ZBBX: variants seen among roughly 807,000 people sequenced by gnomAD.
ZBBX encodes zinc finger B-box domain containing.
A neutral mutation model predicts 108.5 loss-of-function variants in ZBBX; 101 were observed. The observed-to-expected ratio is 0.93, with a 90% CI of 0.79 to 1.10. The LOEUF is 1.10. ZBBX is among the 50% of genes least tolerant of loss of function. The pLI, the probability that ZBBX is intolerant of heterozygous loss-of-function variation, is 0.00. For synonymous variants in ZBBX, 356 were observed against 323.4 expected (o/e 1.10, Z -1.08); for missense variants, 1,009 against 941.4 (o/e 1.07, Z -0.94).
In ZBBX at chr3:167,397,142, T is replaced by TAAAA. The variant is rs61671930; in HGVS notation, c.-446+10580_-446+10583dup. ...GTCGTGAAGAAGAGGTTCTTGGTGG[T>TAAAA]AAAAAAAAAAAAAAAAAAAAAAAAT... On this transcript the variant is annotated intron_variant, in intron 1 of 21. Transcript: ENST00000455345. Among the ~76,000 whole-genome samples the TAAAA allele has an allele frequency of 1.1e-3, 78 of 72,408 alleles. 2 individuals carry two copies. The highest frequency in any genetic ancestry group is 2.4e-3 in the African/African-American group (44 of 18,712). 47.5% of individuals were successfully genotyped at this position (72,408 alleles called of 152,430 possible).
the ZBBX span, among the ~76,000 whole-genome samples, chr3:167,210,680 G>C: frequency 2.0e-5 from 3 of 152,088 alleles, no homozygotes; most frequent in African/African-American, 7.2e-5. Context: ...AAAATACAAT[G>C]GAGCTCCAAT....
chr3:167,241,140 A>G (rs752228244), intron 21 of ZBBX, among the ~76,000 whole-genome samples: 2 of 152,178 alleles, frequency 1.3e-5, no homozygotes, highest in Non-Finnish European at 1.5e-5. Context: ...ATACAGCCAC[A>G]GTAGAATCAA....
chr3:167,399,809 AG>A (rs1414226132), intron 1 of ZBBX, among the ~76,000 whole-genome samples: 2 of 152,148 alleles, frequency 1.3e-5, no homozygotes, highest in African/African-American at 4.8e-5. Flanking sequence ...CCTATCACCC[AG>A]GTAGTGAACA....
At chr3:167,287,626 A>C (rs747800180) in intron 19 of ZBBX, among the ~76,000 whole-genome samples, 4 of 152,142 alleles carry the variant, frequency 2.6e-5, no homozygotes, top group Non-Finnish European at 4.4e-5. Context: ...AAAGCATTTG[A>C]CTATGGATTT....
At chr3:167,368,954 A>C (rs1310484877) in intron 4 of ZBBX, 3 of 172,726 alleles carry the variant, frequency 1.7e-5, no homozygotes, top group Non-Finnish European at 3.6e-5. Context: ...AGTTTGAAGC[A>C]CAGTATTTAA....
intron 8 of ZBBX, among the ~76,000 whole-genome samples, chr3:167,353,805 CAG>C (rs1357968866): frequency 6.6e-6 from 1 of 151,882 alleles, no homozygotes; most frequent in Admixed American, 6.6e-5. Flanking sequence ...AGAATTTGTC[CAG>C]AGTCATACAA....
At chr3:167,250,082 A>G in intron 20 of ZBBX, among the ~76,000 whole-genome samples, 1 of 152,214 alleles carries the variant, frequency 6.6e-6, no homozygotes, top group East Asian at 1.9e-4. Context: ...TCAGTCGAGA[A>G]CAGCTAATCC....
At chr3:167,373,068 T>C (rs1296034287) in intron 3 of ZBBX, 118 bp from the exon 4 acceptor site, 1 of 528,144 alleles carries the variant, frequency 1.9e-6, no homozygotes, top group Non-Finnish European at 3.3e-6. Context: ...AAAGGCTGAA[T>C]CAAAATTTAA....
chr3:167,256,916 C>G (rs1252478519), intron 20 of ZBBX, among the ~76,000 whole-genome samples: 2 of 152,086 alleles, frequency 1.3e-5, no homozygotes, highest in African/African-American at 4.8e-5. Flanking sequence ...CTATTGTAAA[C>G]AGTACTGCAA....
At chr3:167,235,988 G>A (rs1448687484), downstream of ZBBX, among the ~76,000 whole-genome samples, 1 of 151,600 alleles carries the variant, frequency 6.6e-6, no homozygotes, top group Non-Finnish European at 1.5e-5. Context: ...ATAACCGGGG[G>A]TGAAAATTAT....
the ZBBX span, among the ~76,000 whole-genome samples, chr3:167,183,420 C>T: frequency 3.9e-5 from 6 of 152,324 alleles, no homozygotes; most frequent in Non-Finnish European, 7.3e-5. Flanking sequence ...ATGGGCACCA[C>T]TTGCCAAGAC....
intron 6 of ZBBX, among the ~76,000 whole-genome samples, chr3:167,363,271 G>A (rs1211972073): frequency 6.6e-6 from 1 of 151,858 alleles, no homozygotes; most frequent in Non-Finnish European, 1.5e-5. Flanking sequence ...CTCATTTGCT[G>A]CTAATCCCCA....
At chr3:167,226,455 G>C in the ZBBX span, among the ~76,000 whole-genome samples, 1 of 151,712 alleles carries the variant, frequency 6.6e-6, no homozygotes, top group South Asian at 2.1e-4. Context: ...TTCTTCTCCA[G>C]AGACCCATAT....
chr3:167,259,108 C>CT (rs139993953), intron 20 of ZBBX, among the ~76,000 whole-genome samples: 2 of 151,708 alleles, frequency 1.3e-5, no homozygotes, highest in African/African-American at 4.8e-5. Flanking sequence ...GTCATGGACC[C>CT]TTTTTTTTGA....
chr3:167,241,419 AG>A (rs1453679180), intron 21 of ZBBX, among the ~76,000 whole-genome samples: 1 of 152,154 alleles, frequency 6.6e-6, no homozygotes, highest in African/African-American at 2.4e-5. Flanking sequence ...TGGTGGCAGC[AG>A]GGGGCACCTT....
chr3:167,319,549 T>C (rs750458963), intron 12 of ZBBX, among the ~76,000 whole-genome samples: 21 of 152,028 alleles, frequency 1.4e-4, no homozygotes, highest in Admixed American at 5.3e-4. Flanking sequence ...ATGAAAGTCA[T>C]ACCAACCTTA....
chr3:167,207,938 T>A, the ZBBX span, among the ~76,000 whole-genome samples: 4 of 152,106 alleles, frequency 2.6e-5, no homozygotes, highest in African/African-American at 9.7e-5. Flanking sequence ...CACTCTTGAA[T>A]TGCCTACACC....
chr3:167,399,119 T>C (rs1423779240), intron 1 of ZBBX, among the ~76,000 whole-genome samples: 1 of 151,916 alleles, frequency 6.6e-6, no homozygotes, highest in African/African-American at 2.4e-5. Flanking sequence ...CAGCCTCTAT[T>C]TAGTAAGAAA....
At chr3:167,337,691 T>C (rs1739804464) in intron 9 of ZBBX, among the ~76,000 whole-genome samples, 1 of 152,154 alleles carries the variant, frequency 6.6e-6, no homozygotes, top group Non-Finnish European at 1.5e-5. Context: ...GCATATCGTA[T>C]AATCTTTGTC....
Sources: gnomAD v4.1 joint callset for allele counts (sites outside exome capture counted in the v4.1 genomes callset) on GRCh38, gnomAD v4.1.1 for gene constraint, MANE v1.5 for transcripts, NCBI Gene and HGNC (gene_info 2026-07-23, HGNC 2026-07-21) for gene names.